Variants in STIM1 observed in about 807,000 individuals in gnomAD.
STIM1 encodes the protein stromal interaction molecule 1.
STIM1 carries 25 observed loss-of-function variants against 74.7 expected under a neutral mutation model. That is an observed-to-expected ratio of 0.33 (90% CI 0.24 to 0.47). STIM1 has a LOEUF of 0.47. STIM1 is among the 20% of genes least tolerant of loss of function. The pLI is 1.00. For synonymous variants in STIM1, 328 were observed against 348.8 expected (o/e 0.94, Z 0.66); for missense variants, 728 against 920.8 (o/e 0.79, Z 2.71).
chr11:4,057,476 G>C (rs1039901336), intron 4 of STIM1, among the ~76,000 whole-genome samples: 3 of 152,158 alleles, frequency 2.0e-5, no homozygotes, highest in Non-Finnish European at 4.4e-5. Context: ...GGTATAATGA[G>C]AATAATCTAG....
chr11:4,067,122 A>G (rs2094372172), intron 5 of STIM1, among the ~76,000 whole-genome samples: 1 of 152,202 alleles, frequency 6.6e-6, no homozygotes, highest in African/African-American at 2.4e-5. Flanking sequence ...ATTTACACCT[A>G]CACGTTCGAT....
intron 1 of STIM1, among the ~76,000 whole-genome samples, chr11:3,936,578 A>G (rs556009618): frequency 3.9e-5 from 6 of 152,354 alleles, no homozygotes; most frequent in African/African-American, 1.4e-4. Context: ...AGTATCTGAA[A>G]AAAGGACGGC....
chr11:3,908,529 A>G (rs189187219), intron 1 of STIM1, among the ~76,000 whole-genome samples: 2,385 of 151,378 alleles, frequency 0.016, 29 homozygotes, highest in Non-Finnish European at 0.027. Flanking sequence ...GGAGAATGGC[A>G]TGAACCTGGG....
chr11:4,003,817 A>G (rs934667530), intron 2 of STIM1, among the ~76,000 whole-genome samples: 2 of 152,228 alleles, frequency 1.3e-5, no homozygotes, highest in Non-Finnish European at 2.9e-5. Flanking sequence ...TGCAGATGAC[A>G]TGATTGTATA....
At chr11:3,961,004 AGG>A (rs1289711298) in intron 1 of STIM1, among the ~76,000 whole-genome samples, 1 of 151,738 alleles carries the variant, frequency 6.6e-6, no homozygotes, top group Non-Finnish European at 1.5e-5. Context: ...TGTCCCTGAA[AGG>A]TGATTTTTTT....
At chr11:4,034,744 A>C (rs1055949181) in intron 3 of STIM1, among the ~76,000 whole-genome samples, 1 of 152,170 alleles carries the variant, frequency 6.6e-6, no homozygotes, top group Non-Finnish European at 1.5e-5. Context: ...AACTGAGCTT[A>C]GAGTTTTCTT....
chr11:4,066,097 G>A (rs932679631), intron 5 of STIM1, among the ~76,000 whole-genome samples: 3 of 152,046 alleles, frequency 2.0e-5, no homozygotes, highest in Non-Finnish European at 2.9e-5. Flanking sequence ...GTTAATAGTT[G>A]ACCTCATTTT....
intron 1 of STIM1, among the ~76,000 whole-genome samples, chr11:3,959,757 G>A (rs186508861): frequency 4.7e-4 from 71 of 152,218 alleles, no homozygotes; most frequent in African/African-American, 1.7e-3. Context: ...ACCATGGCGG[G>A]TGGCAGCAAG....
At chr11:3,862,295 A>C (rs1323675793) in intron 1 of STIM1, among the ~76,000 whole-genome samples, 29 of 152,086 alleles carry the variant, frequency 1.9e-4, no homozygotes, top group Non-Finnish European at 2.9e-5. Context: ...TATTTCGGAG[A>C]AGTGACTTCA....
chr11:3,997,497 A>C (rs1227225409), intron 2 of STIM1, among the ~76,000 whole-genome samples: 1 of 152,168 alleles, frequency 6.6e-6, no homozygotes, highest in African/African-American at 2.4e-5. Flanking sequence ...TCTAAAAAAA[A>C]AATAAAATTT....
chr11:4,079,961 T>C (rs543547727), intron 7 of STIM1, among the ~76,000 whole-genome samples: 229 of 152,248 alleles, frequency 1.5e-3, no homozygotes, highest in Non-Finnish European at 2.6e-3. Context: ...CTCACGCCTA[T>C]AATCCTTACA....
chr11:3,897,001 T>C (rs1418666172), intron 1 of STIM1, among the ~76,000 whole-genome samples: 3 of 152,236 alleles, frequency 2.0e-5, no homozygotes, highest in Non-Finnish European at 4.4e-5. Flanking sequence ...ATTATAATTA[T>C]CACTGTCTAA....
Position 3,925,086 on chromosome 11 carries a change from G to A in STIM1, c.140-42466G>A, listed in dbSNP as rs373259875. Among the ~76,000 whole-genome samples, 11 of 152,264 alleles carry A rather than the reference G, an allele frequency of 7.2e-5. No individual in the cohort carries two copies. The Middle Eastern group carries it at 0.01, about 141-fold the overall frequency. ...TTTTCTAACAGTATTTGCTGACAAA[G>A]GAATGCAGTTTTAAAAATATTGCTT... On this transcript the variant is annotated intron_variant, in intron 1 of 12. Transcript: ENST00000526596.
chr11:3,945,933 A>G (rs2093067048), intron 1 of STIM1, among the ~76,000 whole-genome samples: 1 of 152,148 alleles, frequency 6.6e-6, no homozygotes, highest in African/African-American at 2.4e-5. Flanking sequence ...CAAGAGCAAG[A>G]TAGAGAGTGG....
chr11:4,003,396 A>G lies in STIM1; in HGVS notation c.271-20477A>G, dbSNP rs1190470445. Among the ~76,000 whole-genome samples the G allele has an allele frequency of 3.6e-4, 55 of 151,164 alleles. No homozygotes were observed. The South Asian group carries it at 6.1e-3, about 17-fold the overall frequency. ...ATCAAAAAGCTTATCCACCATGATC[A>G]AGTGGGCTTCATCCCTGGGATGCAA... is the stretch of plus-strand genomic sequence containing the variant. On this transcript the variant is annotated intron_variant, in intron 2 of 12. Coordinates refer to ENST00000526596, the MANE Select transcript of STIM1 (RefSeq NM_001382567.1).
At chr11:3,900,395 G>A (rs1486071272) in intron 1 of STIM1, among the ~76,000 whole-genome samples, 3 of 152,182 alleles carry the variant, frequency 2.0e-5, no homozygotes, top group African/African-American at 4.8e-5. Flanking sequence ...CCCGAGTGAG[G>A]CAATGCCTCG....
At chr11:4,007,329 G>A (rs1275091816) in intron 2 of STIM1, among the ~76,000 whole-genome samples, 1 of 152,142 alleles carries the variant, frequency 6.6e-6, no homozygotes, top group Non-Finnish European at 1.5e-5. Flanking sequence ...GGATCCAAAA[G>A]CTGCCTGTTT....
At chr11:4,004,043 T>G (rs554646967) in intron 2 of STIM1, among the ~76,000 whole-genome samples, 14 of 152,218 alleles carry the variant, frequency 9.2e-5, no homozygotes, top group African/African-American at 2.4e-4. Context: ...GGGACGTGAA[T>G]GACCTCTTCA....
intron 2 of STIM1, chr11:3,973,764 A>G (rs1029321335): frequency 1.3e-5 from 3 of 225,888 alleles, no homozygotes; most frequent in Non-Finnish European, 8.7e-6. Context: ...GCCAGGCTGG[A>G]GTTCAGTGGT....
Sources: allele counts gnomAD v4.1 joint callset (sites outside exome capture counted in the v4.1 genomes callset), GRCh38; gene constraint gnomAD v4.1.1; transcripts MANE v1.5; gene names NCBI Gene and HGNC (gene_info 2026-07-23, HGNC 2026-07-21).